The following HS6ST3 variants were observed in gnomAD, a reference collection of about 807,000 sequenced individuals.
HS6ST3 encodes heparan sulfate 6-O-sulfotransferase 3.
A neutral mutation model predicts 36.7 loss-of-function variants in HS6ST3; 12 were observed. That is an observed-to-expected ratio of 0.33 (90% CI 0.21 to 0.53). The LOEUF (loss-of-function observed/expected upper bound fraction) is 0.53, where lower values mean the gene tolerates loss of function less well. Ranked by LOEUF, HS6ST3 falls within the 20% of genes least tolerant of loss-of-function variation. HS6ST3 has a pLI of 0.95. For missense variants in HS6ST3, 584 were observed against 640.9 expected (o/e 0.91, Z 0.96); for synonymous variants, 240 against 257.5 (o/e 0.93, Z 0.65).
At chr13:96,777,607 C>T (rs1270431810) in intron 1 of HS6ST3, among the ~76,000 whole-genome samples, 1 of 152,154 alleles carries the variant, frequency 6.6e-6, no homozygotes. Context: ...CCTAGGAATA[C>T]AACTTACGGG....
chr13:96,831,364 A>G (rs1878776198), intron 1 of HS6ST3, among the ~76,000 whole-genome samples: 1 of 152,206 alleles, frequency 6.6e-6, no homozygotes, highest in Non-Finnish European at 1.5e-5. Flanking sequence ...TACCAATATG[A>G]TGTACAGGAA....
intron 1 of HS6ST3, among the ~76,000 whole-genome samples, chr13:96,439,680 A>G (rs2055660423): frequency 6.6e-6 from 1 of 152,194 alleles, no homozygotes; most frequent in Non-Finnish European, 1.5e-5. Context: ...GAATTAAGAT[A>G]TGTTAAATGT....
intron 1 of HS6ST3, among the ~76,000 whole-genome samples, chr13:96,208,719 G>A (rs576458198): frequency 6.6e-6 from 1 of 152,310 alleles, no homozygotes; most frequent in East Asian, 1.9e-4. Context: ...ATATTAGACA[G>A]TGTTAAATAG....
intron 1 of HS6ST3, among the ~76,000 whole-genome samples, chr13:96,316,158 A>G (rs1240104414): frequency 6.6e-6 from 1 of 152,166 alleles, no homozygotes; most frequent in Non-Finnish European, 1.5e-5. Context: ...ATTTATATAT[A>G]TGCATATGCA....
chr13:96,453,882 A>C (rs973389295), intron 1 of HS6ST3, among the ~76,000 whole-genome samples: 1 of 152,164 alleles, frequency 6.6e-6, no homozygotes, highest in African/African-American at 2.4e-5. Context: ...AGTTTGATCA[A>C]AACATTGATA....
intron 1 of HS6ST3, among the ~76,000 whole-genome samples, chr13:96,221,806 C>T (rs769053909): frequency 6.6e-6 from 1 of 152,088 alleles, no homozygotes; most frequent in South Asian, 2.1e-4. Flanking sequence ...CATAGAAGAT[C>T]CTATGTACTG....
At chr13:96,355,389 AC>A (rs2055204835) in intron 1 of HS6ST3, among the ~76,000 whole-genome samples, 1 of 145,938 alleles carries the variant, frequency 6.9e-6, no homozygotes, top group Admixed American at 6.6e-5. Flanking sequence ...ACACACACAC[AC>A]ACACACACAC....
intron 1 of HS6ST3, among the ~76,000 whole-genome samples, chr13:96,227,004 C>A (rs1376445250): frequency 6.6e-6 from 1 of 151,970 alleles, no homozygotes; most frequent in South Asian, 2.1e-4. Context: ...AAAACTGTGG[C>A]CTGTAAAATC....
At chr13:96,644,645 G>T (rs1015872518) in intron 1 of HS6ST3, among the ~76,000 whole-genome samples, 1 of 151,960 alleles carries the variant, frequency 6.6e-6, no homozygotes, top group Non-Finnish European at 1.5e-5. Flanking sequence ...GCAGAATGTG[G>T]TGAGGACTGG....
intron 1 of HS6ST3, among the ~76,000 whole-genome samples, chr13:96,778,056 A>C (rs9584409): frequency 0.44 from 67,310 of 152,064 alleles, 18,168 homozygotes; most frequent in African/African-American, 0.77. Context: ...CAAACCTGAC[A>C]AAAACAAACA....
chr13:96,349,676 A>C (rs1265747316), intron 1 of HS6ST3, among the ~76,000 whole-genome samples: 1 of 152,170 alleles, frequency 6.6e-6, no homozygotes, highest in Non-Finnish European at 1.5e-5. Flanking sequence ...ACTTTATTGC[A>C]ACATAAGACA....
At chr13:96,586,253 G>A (rs1195113009) in intron 1 of HS6ST3, among the ~76,000 whole-genome samples, 1 of 151,658 alleles carries the variant, frequency 6.6e-6, no homozygotes, top group African/African-American at 2.4e-5. Flanking sequence ...AAATTTCCCT[G>A]ATTAGTGACA....
At chr13:96,218,796 C>G (rs1479732585) in intron 1 of HS6ST3, among the ~76,000 whole-genome samples, 1 of 152,060 alleles carries the variant, frequency 6.6e-6, no homozygotes, top group Non-Finnish European at 1.5e-5. Context: ...TCTGTGTGTA[C>G]CATTCTTTTT....
intron 1 of HS6ST3, among the ~76,000 whole-genome samples, chr13:96,482,206 T>C (rs1308696007): frequency 2.6e-5 from 4 of 152,184 alleles, no homozygotes; most frequent in African/African-American, 9.7e-5. Context: ...CCAGCAATGA[T>C]ATTTACTAGT....
At chr13:96,566,892 ATAACT>A (rs1215949286) in intron 1 of HS6ST3, among the ~76,000 whole-genome samples, 4 of 152,306 alleles carry the variant, frequency 2.6e-5, no homozygotes, top group Non-Finnish European at 5.9e-5. Flanking sequence ...AACAGAGGAA[ATAACT>A]TAAATATATC....
At chr13:96,705,828 CT>C (rs1002219041) in intron 1 of HS6ST3, among the ~76,000 whole-genome samples, 3 of 152,200 alleles carry the variant, frequency 2.0e-5, no homozygotes, top group African/African-American at 7.2e-5. Flanking sequence ...CCACTGGCCT[CT>C]GGGCACAGGC....
In HS6ST3 at chr13:96,816,528, T is replaced by C. The variant is rs79747724; in HGVS notation, c.708-15962T>C. 4.2e-3 allele frequency among the ~76,000 whole-genome samples: 647 copies of C among 152,314 alleles called. 7 individuals are homozygous for C. Among genetic ancestry groups the C allele is most frequent in the African/African-American group, 0.015 (613 of 41,570 alleles). The stretch of plus-strand genomic sequence containing the variant: ...CCAGGGATTTGTTTAACAACAGTGA[T>C]TCATAATTTCAACAACCAAAATGAA... On this transcript the variant is annotated intron_variant, in intron 1 of 1. Transcript: ENST00000376705.
chr13:96,661,318 C>T (rs896316547), intron 1 of HS6ST3, among the ~76,000 whole-genome samples: 4 of 152,058 alleles, frequency 2.6e-5, no homozygotes, highest in African/African-American at 9.7e-5. Flanking sequence ...GTGGGTGCTC[C>T]AGTATTGGGT....
intron 1 of HS6ST3, among the ~76,000 whole-genome samples, chr13:96,408,074 G>C (rs1054109813): frequency 3.3e-5 from 5 of 152,040 alleles, no homozygotes; most frequent in Non-Finnish European, 7.4e-5. Flanking sequence ...CGAGTAGCTG[G>C]GACTATATGT....
Sources: gnomAD v4.1 joint callset for allele counts (sites outside exome capture counted in the v4.1 genomes callset) on GRCh38, gnomAD v4.1.1 for gene constraint, MANE v1.5 for transcripts, NCBI Gene and HGNC (gene_info 2026-07-23, HGNC 2026-07-21) for gene names.